TPTE: variants seen among roughly 807,000 people sequenced by gnomAD.
TPTE encodes the protein putative tyrosine-protein phosphatase TPTE.
Under a neutral mutation model 84.1 loss-of-function variants are expected in TPTE, and 59 were observed. The observed-to-expected ratio is 0.70, with a 90% CI of 0.57 to 0.87. TPTE has a LOEUF of 0.87. Among genes scored for constraint, TPTE ranks in the 40% least tolerant of loss-of-function variants. TPTE has a pLI of 0.00. For synonymous variants in TPTE, 130 were observed against 223.5 expected (o/e 0.58, Z 3.73); for missense variants, 382 against 659.6 (o/e 0.58, Z 4.61).
intron 10 of TPTE, among the ~76,000 whole-genome samples, chr21:10,567,265 C>G (rs543858606): frequency 6.6e-6 from 1 of 152,428 alleles, no homozygotes; most frequent in Admixed American, 6.5e-5. Context: ...GATAGCACAA[C>G]AGATTGACCA....
intron 13 of TPTE, among the ~76,000 whole-genome samples, 181 bp from the exon 14 acceptor site, chr21:10,570,303 AT>A: frequency 6.6e-6 from 1 of 152,272 alleles, no homozygotes; most frequent in Non-Finnish European, 1.5e-5. Flanking sequence ...TTTAATGGTC[AT>A]TGTGTTGGAT....
At chr21:10,567,163 C>T in intron 10 of TPTE, among the ~76,000 whole-genome samples, 1 of 144,910 alleles carries the variant, frequency 6.9e-6, no homozygotes. Flanking sequence ...GGATGGTCAT[C>T]AGAGGCTAGG....
At chr21:10,564,385 C>T (rs1359565200) in intron 10 of TPTE, among the ~76,000 whole-genome samples, 2 of 152,308 alleles carry the variant, frequency 1.3e-5, no homozygotes, top group African/African-American at 4.8e-5. Flanking sequence ...TGCCGGGCAC[C>T]TGTAATTTCA....
At chr21:10,565,452 A>G (rs570809402) in intron 10 of TPTE, among the ~76,000 whole-genome samples, 29 of 152,408 alleles carry the variant, frequency 1.9e-4, no homozygotes, top group Non-Finnish European at 2.8e-4. Context: ...TACAGATTCA[A>G]TGCACTCCCT....
At chr21:10,577,841 C>A (rs1303422385) in intron 15 of TPTE, among the ~76,000 whole-genome samples, 1 of 152,312 alleles carries the variant, frequency 6.6e-6, no homozygotes, top group South Asian at 2.1e-4. Context: ...GTTATGAGGA[C>A]ATAGACAATT....
At chr21:10,556,803 C>T (rs1453657928) in intron 8 of TPTE, among the ~76,000 whole-genome samples, 2 of 152,308 alleles carry the variant, frequency 1.3e-5, no homozygotes, top group Admixed American at 1.3e-4. Flanking sequence ...TGATGATGAG[C>T]ATTTTTTCAT....
intron 17 of TPTE, among the ~76,000 whole-genome samples, chr21:10,586,854 T>C (rs561000382): frequency 9.2e-5 from 14 of 152,420 alleles, no homozygotes; most frequent in Non-Finnish European, 1.8e-4. Context: ...CTGGTTAGGC[T>C]CTGTAGTATA....
chr21:10,547,186 A>G (rs1227635598), intron 7 of TPTE, among the ~76,000 whole-genome samples: 8 of 152,310 alleles, frequency 5.3e-5, no homozygotes, highest in Non-Finnish European at 1.2e-4. Context: ...ATCAAGCAAG[A>G]TGGGTGACTA....
chr21:10,564,411 G>T (rs535421989), intron 10 of TPTE, among the ~76,000 whole-genome samples: 1 of 152,302 alleles, frequency 6.6e-6, no homozygotes, highest in African/African-American at 2.4e-5. Flanking sequence ...TCATGAGGCC[G>T]AGGCCGGAGA....
At chr21:10,551,594 T>C (rs1170626246) in intron 7 of TPTE, among the ~76,000 whole-genome samples, 1 of 152,188 alleles carries the variant, frequency 6.6e-6, no homozygotes, top group Non-Finnish European at 1.5e-5. Context: ...CAAACAGAAA[T>C]AAACACATTT....
intron 7 of TPTE, among the ~76,000 whole-genome samples, chr21:10,545,386 A>G (rs1409917904): frequency 6.6e-6 from 1 of 152,430 alleles, no homozygotes; most frequent in East Asian, 1.9e-4. Flanking sequence ...AATCATTGAC[A>G]TACACATTTT....
intron 1 of TPTE, among the ~76,000 whole-genome samples, chr21:10,522,125 G>T (rs868652123): frequency 0.013 from 1,903 of 150,824 alleles, no homozygotes; most frequent in Non-Finnish European, 0.019. Context: ...CCCCCGAGGC[G>T]CCCGGCTCTC....
chr21:10,578,989 TAAA>T (rs1290471617), intron 17 of TPTE, among the ~76,000 whole-genome samples: 2 of 151,878 alleles, frequency 1.3e-5, no homozygotes, highest in Admixed American at 6.5e-5. Flanking sequence ...AATTAACAAA[TAAA>T]AAACCAATAT....
intron 7 of TPTE, among the ~76,000 whole-genome samples, chr21:10,551,082 CAG>C (rs1260783396): frequency 2.4e-4 from 36 of 152,400 alleles, no homozygotes; most frequent in East Asian, 9.6e-4. Flanking sequence ...TATACCAAAA[CAG>C]GGGACGCAGC....
At chr21:10,544,000 T>C (rs2338983) in intron 7 of TPTE, among the ~76,000 whole-genome samples, 2 of 152,302 alleles carry the variant, frequency 1.3e-5, no homozygotes, top group Admixed American at 1.3e-4. Flanking sequence ...TCCTCAGGTG[T>C]GCGGGTACTT....
At chr21:10,583,377 T>G in intron 17 of TPTE, among the ~76,000 whole-genome samples, 1 of 152,312 alleles carries the variant, frequency 6.6e-6, no homozygotes. Flanking sequence ...TGGATATCCT[T>G]TTTTGTAAAG....
At chr21:10,540,269 A>G (rs1433863454) in intron 4 of TPTE, among the ~76,000 whole-genome samples, 1 of 152,294 alleles carries the variant, frequency 6.6e-6, no homozygotes, top group African/African-American at 2.4e-5. Flanking sequence ...TCGTACACAC[A>G]AGAGAGACTG....
At chr21:10,594,362 C>T (rs533988420) in intron 19 of TPTE, among the ~76,000 whole-genome samples, 285 of 151,874 alleles carry the variant, frequency 1.9e-3, no homozygotes, top group African/African-American at 6.8e-3. Context: ...GCATCATTCT[C>T]TAGTTATTTG....
chr21:10,565,499 G>T (rs796388894), intron 10 of TPTE, among the ~76,000 whole-genome samples: 1 of 152,398 alleles, frequency 6.6e-6, no homozygotes, highest in African/African-American at 2.4e-5. Context: ...AGAAATAGAA[G>T]AAACAATCTT....
Sources: gnomAD v4.1 joint callset for allele counts (sites outside exome capture counted in the v4.1 genomes callset) on GRCh38, gnomAD v4.1.1 for gene constraint, MANE v1.5 for transcripts, NCBI Gene and HGNC (gene_info 2026-07-23, HGNC 2026-07-21) for gene names.